CNKSR3: variants seen among roughly 807,000 people sequenced by gnomAD.
CNKSR3 encodes the protein connector enhancer of kinase suppressor of ras 3.
Under a neutral mutation model 67.7 loss-of-function variants are expected in CNKSR3, and 36 were observed. The ratio of observed to expected loss-of-function variants is 0.53; its 90% confidence interval spans 0.41 to 0.70. CNKSR3 has a LOEUF of 0.70. CNKSR3 is among the 30% of genes least tolerant of loss of function. The pLI, the probability that CNKSR3 is intolerant of heterozygous loss-of-function variation, is 0.00. For missense variants in CNKSR3, 630 were observed against 695.2 expected (o/e 0.91, Z 1.05); for synonymous variants, 281 against 271.4 (o/e 1.04, Z -0.35).
chr6:154,425,222 T>A (rs73790965), intron 7 of CNKSR3, among the ~76,000 whole-genome samples: 2 of 152,210 alleles, frequency 1.3e-5, no homozygotes, highest in Non-Finnish European at 2.9e-5. Context: ...GGGCAAAGGA[T>A]TCATTTAAGA....
In CNKSR3 at chr6:154,427,558, C is replaced by T. The variant is rs150018921; in HGVS notation, c.729+570G>A. Among the ~76,000 whole-genome samples, 60 of 152,344 alleles carry T rather than the reference C, an allele frequency of 3.9e-4. 1 individual carries two copies. The highest frequency in any genetic ancestry group is 1.3e-3 in the African/African-American group (56 of 41,584). On this transcript the variant is annotated intron_variant, in intron 7 of 12. Coordinates refer to ENST00000607772, the MANE Select transcript of CNKSR3 (RefSeq NM_173515.4). Reference sequence around the variant, plus strand: ...TTGAGGGGCTAAAGACAACTCTACACATAGCAGAATTTCCAGAAGGAAGTA... The same window carrying T: ...TTGAGGGGCTAAAGACAACTCTACATATAGCAGAATTTCCAGAAGGAAGTA...
chr6:154,481,662 G>C (rs1263659083), intron 1 of CNKSR3, among the ~76,000 whole-genome samples: 1 of 152,146 alleles, frequency 6.6e-6, no homozygotes, highest in African/African-American at 2.4e-5. Flanking sequence ...GCATGTCTGT[G>C]TTTTGTTCTT....
Position 154,388,622 on chromosome 6 carries a change from T to A in CNKSR3, c.*17732A>T, listed in dbSNP as rs1430815912. The A allele has an allele frequency of 6.6e-6, 1 of 152,192 alleles. No individual in the cohort carries two copies. The allele number at this position is 152,192 out of a possible 1,614,324, so 9.4% of individuals were successfully genotyped here. On this transcript the variant is annotated 3_prime_UTR_variant, in exon 13 of 13. Coordinates refer to ENST00000607772, the MANE Select transcript of CNKSR3 (RefSeq NM_173515.4). ...CCTTAGTGGCTGCACCATTTTGCAT[T>A]CCCATCAACAGTATGCAAGGGTTCC...
chr6:154,435,591 A>G, intron 4 of CNKSR3, among the ~76,000 whole-genome samples: 1 of 152,218 alleles, frequency 6.6e-6, no homozygotes, highest in East Asian at 1.9e-4. Flanking sequence ...TGGTTCCCAC[A>G]CCCATTCCTG....
At chr6:154,500,441 G>A (rs1382381818) in intron 1 of CNKSR3, among the ~76,000 whole-genome samples, 5 of 152,104 alleles carry the variant, frequency 3.3e-5, no homozygotes, top group African/African-American at 1.2e-4. Flanking sequence ...AGCACGTAGG[G>A]GTTTTCCTCT....
intron 1 of CNKSR3, among the ~76,000 whole-genome samples, chr6:154,456,511 A>G (rs1010869165): frequency 2.7e-5 from 4 of 150,616 alleles, no homozygotes; most frequent in Non-Finnish European, 5.9e-5. Context: ...GAGCCTGGCC[A>G]ACATGGTGAA....
At chr6:154,488,364 T>C (rs945577648) in intron 1 of CNKSR3, among the ~76,000 whole-genome samples, 1 of 152,218 alleles carries the variant, frequency 6.6e-6, no homozygotes, top group Admixed American at 6.5e-5. Context: ...AGGTTGCTTA[T>C]GGACATTTGT....
intron 1 of CNKSR3, among the ~76,000 whole-genome samples, chr6:154,476,649 T>C (rs1015890826): frequency 2.6e-5 from 4 of 152,124 alleles, no homozygotes; most frequent in Non-Finnish European, 1.5e-5. Context: ...AAACATGGCA[T>C]TCTGGGGTCA....
chr6:154,422,595 C>G lies in CNKSR3; in HGVS notation c.856G>C (p.Val286Leu), dbSNP rs775309729. ...KKLRENPTGV[V>L]LLLKKRPTGS... is the part of the protein sequence containing the mutation. ...GTGGGGCGCTTCTTAAGCAGTAACA[C>G]AACTCCGGTGGGATTCTCTCTCAAT... is the stretch of plus-strand genomic sequence containing the variant. Residue 286 changes from valine (V) to leucine (L), a missense_variant, in exon 9 of 13, where the codon GTG becomes CTG. Physicochemically the swap from Val to Leu is conservative, Grantham distance 32. Around this residue, in one of 3 missense-constraint regions of CNKSR3, gnomAD observed 133 missense variants for 190.6 expected, o/e 0.70. Coordinates refer to ENST00000607772, the MANE Select transcript of CNKSR3 (RefSeq NM_173515.4). 6.2e-7 allele frequency: 1 copy of G among 1,613,918 alleles called. No individual in the cohort carries two copies. The highest frequency in any genetic ancestry group is 8.5e-7 in the Non-Finnish European group (1 of 1,179,990).
rs1269446381 is a variant in CNKSR3, at chr6:154,405,477, C to A, written c.*877G>T. On this transcript the variant is annotated 3_prime_UTR_variant, in exon 13 of 13. Transcript: ENST00000607772. ...GACCATGAGGCTTTCCAAGATATTT[C>A]TAATTAGCAAACTGTGTACAATTTT... 2 of 152,446 alleles carry A rather than the reference C, an allele frequency of 1.3e-5. No individual in the cohort carries two copies. The highest frequency in any genetic ancestry group is 1.3e-4 in the Admixed American group (2 of 15,276). The allele number at this position is 152,446 out of a possible 1,614,324, so 9.4% of individuals were successfully genotyped here. A position where few individuals can be genotyped will look rare whatever the true frequency, so the allele number is the denominator to read the frequency against.
At chr6:154,406,739 G>C (rs1302517217) in intron 12 of CNKSR3, 87 bp from the exon 13 acceptor site, 33 of 1,198,390 alleles carry the variant, frequency 2.8e-5, no homozygotes, top group Non-Finnish European at 3.8e-5. Flanking sequence ...GGAGGTCGAG[G>C]TGGGTGGATC....
At chr6:154,446,204 G>A (rs753447826) in intron 2 of CNKSR3, among the ~76,000 whole-genome samples, 2 of 152,084 alleles carry the variant, frequency 1.3e-5, no homozygotes, top group Admixed American at 6.5e-5. Flanking sequence ...TCTGGCTAGA[G>A]AAACCATACA....
chr6:154,414,305 G>A lies in CNKSR3; in HGVS notation c.1064C>T (p.Ser355Phe). Residue 355 changes from serine to phenylalanine, a missense_variant, in exon 10 of 13, where the codon TCT becomes TTT. Coordinates refer to ENST00000607772, the MANE Select transcript of CNKSR3 (RefSeq NM_173515.4). ...YIPPPPAVPYSPRDENGSFVY... is the reference protein window; with the variant it reads ...YIPPPPAVPYFPRDENGSFVY... ...ACAATGGACAGCAACATACCGGGGA[G>A]AGTAGGGAACAGCAGGCGGAGGAGG... 6.3e-7 allele frequency: 1 copy of A among 1,597,526 alleles called. No homozygotes were observed.
At chr6:154,424,961 G>A (rs1432748010) in intron 7 of CNKSR3, among the ~76,000 whole-genome samples, 1 of 152,144 alleles carries the variant, frequency 6.6e-6, no homozygotes, top group Non-Finnish European at 1.5e-5. Context: ...TAGCAGAGAT[G>A]GGGTTTCACC....
Position 154,437,613 on chromosome 6 carries a change from G to A in CNKSR3, c.507+3679C>T, listed in dbSNP as rs183633851. 6.6e-5 allele frequency among the ~76,000 whole-genome samples: 10 copies of A among 151,760 alleles called. No homozygotes were observed. In the East Asian group the frequency reaches 1.4e-3, roughly 21 times the overall value. On this transcript the variant is annotated intron_variant, in intron 4 of 12. Coordinates refer to ENST00000607772, the MANE Select transcript of CNKSR3 (RefSeq NM_173515.4). Reference sequence around the variant, plus strand: ...GTATTTTTAGTACAGATGGGGTTTCGCCATGTTTGCCAGACTAGTCTCGAA... The same window carrying A: ...GTATTTTTAGTACAGATGGGGTTTCACCATGTTTGCCAGACTAGTCTCGAA...
In CNKSR3 at chr6:154,478,199, G is replaced by T. The variant is rs73794113; in HGVS notation, c.53-27941C>A. The stretch of plus-strand genomic sequence containing the variant: ...GGCCTGCTGGCCAAGCTCCTCCTCC[G>T]CCCGTCCTCCTCTTGCAACCTGCAC... On this transcript the variant is annotated intron_variant, in intron 1 of 12. Coordinates refer to ENST00000607772, the MANE Select transcript of CNKSR3 (RefSeq NM_173515.4). 1,035 of 153,194 alleles carry T rather than the reference G, an allele frequency of 6.8e-3. 15 individuals are homozygous for T. Among genetic ancestry groups the T allele is most frequent in the African/African-American group, 0.024 (993 of 41,544 alleles). 9.5% of individuals were successfully genotyped at this position (153,194 alleles called of 1,614,324 possible).
intron 1 of CNKSR3, among the ~76,000 whole-genome samples, chr6:154,487,552 A>G (rs960991408): frequency 6.6e-6 from 1 of 152,182 alleles, no homozygotes; most frequent in African/African-American, 2.4e-5. Context: ...AGCAGCCACA[A>G]TGTTTCAGAA....
chr6:154,427,859 T>G (rs1281998437), intron 7 of CNKSR3, among the ~76,000 whole-genome samples: 1 of 152,144 alleles, frequency 6.6e-6, no homozygotes, highest in Admixed American at 6.5e-5. Context: ...GGCTTAACAC[T>G]TCCAGTGTGC....
chr6:154,483,703 T>C (rs984056438), intron 1 of CNKSR3, among the ~76,000 whole-genome samples: 1 of 152,166 alleles, frequency 6.6e-6, no homozygotes, highest in Non-Finnish European at 1.5e-5. Context: ...TCTAACTCAC[T>C]CAATCTCCCT....
Sources: allele counts gnomAD v4.1 joint callset (sites outside exome capture counted in the v4.1 genomes callset), GRCh38; gene constraint gnomAD v4.1.1; regional missense constraint gnomAD v4.1.1; transcripts MANE v1.5; gene names NCBI Gene and HGNC (gene_info 2026-07-23, HGNC 2026-07-21).